DLG2: variants seen among roughly 807,000 people sequenced by gnomAD.
The protein encoded by DLG2 is disks large homolog 2.
DLG2 carries 45 observed loss-of-function variants against 132.5 expected under a neutral mutation model. The observed-to-expected ratio is 0.34, with a 90% CI of 0.27 to 0.44. The LOEUF (loss-of-function observed/expected upper bound fraction) is 0.44, where lower values mean the gene tolerates loss of function less well. DLG2 is among the 20% of genes least tolerant of loss of function. The pLI is 1.00. For synonymous variants in DLG2, 424 were observed against 419.6 expected (o/e 1.01, Z -0.13); for missense variants, 1,045 against 1,196.9 (o/e 0.87, Z 1.87).
At chr11:83,776,494 C>G (rs1444812234) in intron 18 of DLG2, among the ~76,000 whole-genome samples, 1 of 152,200 alleles carries the variant, frequency 6.6e-6, no homozygotes, top group Non-Finnish European at 1.5e-5. Flanking sequence ...CCAGCCTCTT[C>G]GGTGCTTTCT....
Position 84,593,106 on chromosome 11 carries a change from G to A in DLG2, c.358-58375C>T, listed in dbSNP as rs1177624561. Among the ~76,000 whole-genome samples, 10 of 150,608 alleles carry A rather than the reference G, an allele frequency of 6.6e-5. No individual in the cohort carries two copies. In the South Asian group the frequency reaches 8.4e-4, roughly 13 times the overall value. On this transcript the variant is annotated intron_variant, in intron 6 of 27. Coordinates refer to ENST00000376104, the MANE Select transcript of DLG2 (RefSeq NM_001142699.3). ...TGCACTCCAGCCTGGGCAACAGAGC[G>A]AGACTCCATCTCCAAAAAAAAAAAA...
intron 2 of DLG2, among the ~76,000 whole-genome samples, chr11:85,609,044 A>C (rs1035995614): frequency 2.6e-5 from 4 of 152,196 alleles, no homozygotes; most frequent in South Asian, 4.1e-4. Flanking sequence ...CCTGACTCAG[A>C]TCATGGGGAC....
chr11:84,063,598 C>A (rs921348031), intron 10 of DLG2, among the ~76,000 whole-genome samples: 4 of 152,266 alleles, frequency 2.6e-5, no homozygotes, highest in Non-Finnish European at 2.9e-5. Flanking sequence ...TTTGACCCAG[C>A]CATCCCATTA....
At chr11:84,413,341 T>C (rs987542472) in intron 7 of DLG2, among the ~76,000 whole-genome samples, 9 of 152,158 alleles carry the variant, frequency 5.9e-5, no homozygotes, top group Non-Finnish European at 1.2e-4. Flanking sequence ...GGTATTTCAA[T>C]TGGGTTTTAA....
Position 85,356,821 on chromosome 11 carries a change from T to TAGACAGACAGAC in DLG2, c.41-71457_41-71456insGTCTGTCTGTCT, listed in dbSNP as rs922232163. Among the ~76,000 whole-genome samples the TAGACAGACAGAC allele has an allele frequency of 7.8e-5, 9 of 115,020 alleles. 1 individual carries two copies. Among genetic ancestry groups the TAGACAGACAGAC allele is most frequent in the Admixed American group, 2.5e-4 (3 of 11,910 alleles). 75.5% of individuals were successfully genotyped at this position (115,020 alleles called of 152,430 possible). ...ATAGATAGATAGATAGATAGATAGA[T>TAGACAGACAGAC]AGATAGAGATGATAGACAGACACAC... On this transcript the variant is annotated intron_variant, in intron 3 of 27. Transcript: ENST00000376104.
At chr11:83,790,283 C>T in intron 17 of DLG2, 1 of 922,802 alleles carries the variant, frequency 1.1e-6, no homozygotes, top group South Asian at 1.4e-5. Context: ...GTGCCCAAGT[C>T]TAGTGTGAAC....
At chr11:84,058,036 C>A (rs1054957016) in intron 11 of DLG2, among the ~76,000 whole-genome samples, 21 of 152,216 alleles carry the variant, frequency 1.4e-4, no homozygotes, top group Admixed American at 1.4e-3. Context: ...AATGAGGGAG[C>A]AGGCCCAACT....
intron 9 of DLG2, among the ~76,000 whole-genome samples, chr11:84,143,717 C>T (rs897455422): frequency 5.9e-5 from 9 of 152,090 alleles, no homozygotes; most frequent in South Asian, 4.1e-4. Context: ...GGCTCTATTT[C>T]GAGCTACTAG....
chr11:83,538,745 C>T (rs187211726), intron 20 of DLG2, among the ~76,000 whole-genome samples: 2 of 152,324 alleles, frequency 1.3e-5, no homozygotes, highest in Admixed American at 1.3e-4. Flanking sequence ...TGCCGTTTCA[C>T]TTTCCTGGCC....
At chr11:85,199,154 G>A (rs1033471564) in intron 4 of DLG2, among the ~76,000 whole-genome samples, 1 of 152,100 alleles carries the variant, frequency 6.6e-6, no homozygotes, top group African/African-American at 2.4e-5. Context: ...CAAAATCAGT[G>A]AATAACTCTT....
intron 11 of DLG2, among the ~76,000 whole-genome samples, chr11:84,021,116 G>T (rs2095377089): frequency 6.6e-6 from 1 of 152,100 alleles, no homozygotes; most frequent in South Asian, 2.1e-4. Flanking sequence ...GCCATTTGTG[G>T]AATATCTACT....
At chr11:85,021,351 T>G (rs1259889403) in intron 6 of DLG2, 1 of 1,295,440 alleles carries the variant, frequency 7.7e-7, no homozygotes, top group East Asian at 2.3e-5. Flanking sequence ...ACATCTGTGC[T>G]GCAGATCGTT....
intron 3 of DLG2, among the ~76,000 whole-genome samples, chr11:85,546,564 T>C (rs1000753691): frequency 1.4e-4 from 22 of 152,294 alleles, no homozygotes; most frequent in African/African-American, 4.1e-4. Context: ...TTCTGTGTCA[T>C]TGATCTGTCT....
At chr11:85,155,959 A>C (rs945511718) in intron 4 of DLG2, among the ~76,000 whole-genome samples, 1 of 151,940 alleles carries the variant, frequency 6.6e-6, no homozygotes, top group Non-Finnish European at 1.5e-5. Context: ...GTTTTTGCCA[A>C]CTCTCCTCTG....
chr11:83,484,095 T>A, intron 22 of DLG2, 34 bp downstream of exon 22: 1 of 1,571,344 alleles, frequency 6.4e-7, no homozygotes. Context: ...TTCTCTTATG[T>A]TGCATGTGAC....
At chr11:83,601,790 T>G (rs1414128264) in intron 19 of DLG2, among the ~76,000 whole-genome samples, 4 of 152,130 alleles carry the variant, frequency 2.6e-5, no homozygotes, top group Non-Finnish European at 4.4e-5. Flanking sequence ...CCCAAAGTGC[T>G]GGGGTTACAG....
chr11:83,761,629 T>C (rs547841286), intron 18 of DLG2, among the ~76,000 whole-genome samples: 1 of 152,126 alleles, frequency 6.6e-6, no homozygotes, highest in Non-Finnish European at 1.5e-5. Flanking sequence ...ATATCTCAGG[T>C]CCTAGACTAA....
chr11:85,431,103 A>G (rs987501738), intron 3 of DLG2, among the ~76,000 whole-genome samples: 1 of 152,186 alleles, frequency 6.6e-6, no homozygotes, highest in Non-Finnish European at 1.5e-5. Context: ...TTATGAGAAG[A>G]TATTCTTGTT....
intron 6 of DLG2, among the ~76,000 whole-genome samples, chr11:84,715,956 T>C (rs979750195): frequency 6.6e-6 from 1 of 152,146 alleles, no homozygotes; most frequent in African/African-American, 2.4e-5. Flanking sequence ...TATATGGTAA[T>C]TCTATTTGTA....
Sources: gnomAD v4.1 joint callset for allele counts (sites outside exome capture counted in the v4.1 genomes callset) on GRCh38, gnomAD v4.1.1 for gene constraint, MANE v1.5 for transcripts, NCBI Gene and HGNC (gene_info 2026-07-23, HGNC 2026-07-21) for gene names.